CAB39: variants seen among roughly 807,000 people sequenced by gnomAD.
CAB39 encodes calcium binding protein 39, also known as calcium-binding protein 39.
Under a neutral mutation model 40.0 loss-of-function variants are expected in CAB39, and 8 were observed. The observed-to-expected ratio is 0.20, with a 90% CI of 0.12 to 0.36. The LOEUF (loss-of-function observed/expected upper bound fraction) is 0.36, where lower values mean the gene tolerates loss of function less well. Ranked by LOEUF, CAB39 falls within the 10% of genes least tolerant of loss-of-function variation. The probability of loss-of-function intolerance (pLI) is 1.00; values close to 1 mark genes in which losing one functional copy is unlikely to be tolerated. For missense variants in CAB39, 270 were observed against 401.1 expected, an observed-to-expected ratio of 0.67 and a Z score of 2.79; for synonymous variants, 156 against 141.6, an observed-to-expected ratio of 1.10 and a Z score of -0.72.
chr2:230,757,184 T>G (rs1182267432), intron 1 of CAB39, among the ~76,000 whole-genome samples: 2 of 152,124 alleles, frequency 1.3e-5, no homozygotes, highest in African/African-American at 4.8e-5. Flanking sequence ...CACCACCTCT[T>G]AGGCTCAAGT....
chr2:230,817,922 T>C (rs1696431711), intron 8 of CAB39, 25 bp downstream of exon 8: 3 of 1,591,570 alleles, frequency 1.9e-6, no homozygotes, highest in Non-Finnish European at 2.6e-6. Context: ...GCATCAGTGA[T>C]ACTGTCCACT....
rs991632923 is a variant in CAB39 at position 230,772,813 on chromosome 2, G to A, written c.114+12698G>A. 6.6e-5 allele frequency among the ~76,000 whole-genome samples: 10 copies of A among 152,082 alleles called. No individual in the cohort carries two copies. The East Asian group carries it at 1.5e-3, about 24-fold the overall frequency. On this transcript the variant is annotated intron_variant, in intron 2 of 8. Coordinates refer to ENST00000258418, the MANE Select transcript of CAB39 (RefSeq NM_016289.4). ...TTTGGCAGCTTTTTAAACCAAACTC[G>A]AACCAACCATATGATCTAGCCATTT...
intron 1 of CAB39, among the ~76,000 whole-genome samples, chr2:230,739,047 A>G (rs1694832474): frequency 6.6e-6 from 1 of 152,032 alleles, no homozygotes; most frequent in Non-Finnish European, 1.5e-5. Flanking sequence ...AAGTTTTCTC[A>G]TTTGTTTAGG....
intron 8 of CAB39, 31 bp from the exon 9 acceptor site, chr2:230,818,485 C>G: frequency 6.3e-7 from 1 of 1,597,572 alleles, no homozygotes; most frequent in Non-Finnish European, 8.6e-7. Context: ...TGTCCTTTCT[C>G]TGTGCCTCAT....
intron 1 of CAB39, among the ~76,000 whole-genome samples, chr2:230,720,470 C>G (rs1459836279): frequency 6.6e-6 from 1 of 152,218 alleles, no homozygotes; most frequent in Non-Finnish European, 1.5e-5. Context: ...GAGTCTCCCT[C>G]TGTCGCCCAG....
chr2:230,814,234 C>T lies in CAB39; in HGVS notation c.693+120C>T, dbSNP rs569831430. 19 of 563,040 alleles carry T rather than the reference C, an allele frequency of 3.4e-5. No homozygotes were observed. The South Asian group carries it at 3.7e-4, about 11-fold the overall frequency. 34.9% of individuals were successfully genotyped at this position (563,040 alleles called of 1,614,324 possible). A position where few individuals can be genotyped will look rare whatever the true frequency, so the allele number is the denominator to read the frequency against. ...CTTTGGGGGAAATAAATACCTTTGCCGAGGGTCAAGATTTTTGCGGAAAGG... is the reference window on the plus strand; with the variant it reads ...CTTTGGGGGAAATAAATACCTTTGCTGAGGGTCAAGATTTTTGCGGAAAGG... On this transcript the variant is annotated intron_variant, in intron 7 of 8. Coordinates refer to ENST00000258418, the MANE Select transcript of CAB39 (RefSeq NM_016289.4).
At chr2:230,740,129 A>G (rs551834661) in intron 1 of CAB39, among the ~76,000 whole-genome samples, 7 of 152,322 alleles carry the variant, frequency 4.6e-5, no homozygotes, top group African/African-American at 1.4e-4. Context: ...CATGAGGTCA[A>G]AGTAGTCTGT....
chr2:230,778,690 C>G (rs931821196), intron 2 of CAB39, among the ~76,000 whole-genome samples: 1 of 152,124 alleles, frequency 6.6e-6, no homozygotes, highest in Non-Finnish European at 1.5e-5. Flanking sequence ...ATTATGGACT[C>G]TATCCTTAAA....
chr2:230,786,205 A>G (rs1454521542), intron 2 of CAB39, among the ~76,000 whole-genome samples: 1 of 147,558 alleles, frequency 6.8e-6, no homozygotes, highest in African/African-American at 2.5e-5. Context: ...GAGTCTCACC[A>G]TGTTGCCCAG....
At chr2:230,794,933 C>G (rs542648186) in intron 4 of CAB39, among the ~76,000 whole-genome samples, 1 of 152,316 alleles carries the variant, frequency 6.6e-6, no homozygotes, top group South Asian at 2.1e-4. Flanking sequence ...GCCCAATCTA[C>G]AGATTTCCTC....
Position 230,788,130 on chromosome 2 carries a change from T to C in CAB39, c.115-2742T>C, listed in dbSNP as rs142594146. Among the ~76,000 whole-genome samples, 991 of 152,324 alleles carry C rather than the reference T, an allele frequency of 6.5e-3. 5 individuals carry two copies. The highest frequency in any genetic ancestry group is 1.0e-2 in the Non-Finnish European group (680 of 68,022). Reference sequence around the variant, plus strand: ...AAGTAATCTTGAAGTATATTTCTGATCATAAATGCTTCACTTTATATAAGT... The same window carrying C: ...AAGTAATCTTGAAGTATATTTCTGACCATAAATGCTTCACTTTATATAAGT... On this transcript the variant is annotated intron_variant, in intron 2 of 8. Transcript: ENST00000258418.
At chr2:230,767,639 G>A (rs1324473527) in intron 2 of CAB39, among the ~76,000 whole-genome samples, 2 of 152,086 alleles carry the variant, frequency 1.3e-5, no homozygotes, top group Admixed American at 1.3e-4. Flanking sequence ...AAGTATATGA[G>A]GCAGAGACCT....
At chr2:230,813,275 G>T (rs1445654166) in intron 6 of CAB39, among the ~76,000 whole-genome samples, 5 of 152,112 alleles carry the variant, frequency 3.3e-5, no homozygotes, top group African/African-American at 1.2e-4. Context: ...TGCTTTAATG[G>T]GCTTCTAGCC....
intron 2 of CAB39, among the ~76,000 whole-genome samples, chr2:230,787,793 A>C (rs902723202): frequency 6.6e-6 from 1 of 152,212 alleles, no homozygotes; most frequent in Admixed American, 6.5e-5. Context: ...TTTCTGGAGA[A>C]GATGACAATT....
At chr2:230,733,702 A>G (rs1694735550) in intron 1 of CAB39, among the ~76,000 whole-genome samples, 1 of 152,224 alleles carries the variant, frequency 6.6e-6, no homozygotes, top group Admixed American at 6.5e-5. Flanking sequence ...TTAAGGAGAC[A>G]GTGTAGCAGT....
intron 7 of CAB39, 121 bp downstream of exon 7, chr2:230,814,235 G>C: frequency 1.8e-6 from 1 of 566,758 alleles, no homozygotes; most frequent in Non-Finnish European, 3.1e-6. Flanking sequence ...TACCTTTGCC[G>C]AGGGTCAAGA....
chr2:230,768,110 CAG>C (rs751683809), intron 2 of CAB39, among the ~76,000 whole-genome samples: 18 of 152,266 alleles, frequency 1.2e-4, no homozygotes, highest in African/African-American at 1.4e-4. Flanking sequence ...GAATCAAAAA[CAG>C]AGTTACTAAT....
At chr2:230,733,238 C>T (rs1694726850) in intron 1 of CAB39, among the ~76,000 whole-genome samples, 1 of 152,022 alleles carries the variant, frequency 6.6e-6, no homozygotes, top group Non-Finnish European at 1.5e-5. Context: ...CTCCAATTTG[C>T]CCTAGTTTGG....
intron 2 of CAB39, among the ~76,000 whole-genome samples, chr2:230,782,023 C>T (rs1402832829): frequency 6.6e-6 from 1 of 152,124 alleles, no homozygotes; most frequent in Non-Finnish European, 1.5e-5. Flanking sequence ...TGCCACTGCA[C>T]CCAGCTAATT....
Sources: gnomAD v4.1 joint callset for allele counts (sites outside exome capture counted in the v4.1 genomes callset) on GRCh38, gnomAD v4.1.1 for gene constraint, MANE v1.5 for transcripts, NCBI Gene and HGNC (gene_info 2026-07-23, HGNC 2026-07-21) for gene names.